LYPD6B: variants seen among roughly 807,000 people sequenced by gnomAD.
LYPD6B encodes the protein LY6/PLAUR domain containing 6B.
Under a neutral mutation model 22.8 loss-of-function variants are expected in LYPD6B, and 17 were observed. The observed-to-expected ratio is 0.75, with a 90% CI of 0.51 to 1.12. The LOEUF is 1.12. LYPD6B is among the 50% of genes most tolerant of loss of function. LYPD6B has a pLI of 0.00. For synonymous variants in LYPD6B, 106 were observed against 91.6 expected (o/e 1.16, Z -0.90); for missense variants, 221 against 258.3 (o/e 0.86, Z 0.99).
rs1445308825 is a variant in LYPD6B at position 149,186,606 on chromosome 2, T to G, written c.78-18647T>G. Among the ~76,000 whole-genome samples the G allele has an allele frequency of 2.0e-5, 3 of 151,712 alleles. No homozygotes were observed. The South Asian group carries it at 6.2e-4, about 31-fold the overall frequency. On this transcript the variant is annotated intron_variant, in intron 3 of 6. Coordinates refer to ENST00000409642, the MANE Select transcript of LYPD6B (RefSeq NM_177964.5). ...TTACACTAAACAACAGTTTTTTGTTTGTTTGTTTGTTTGTTTAGAAAAAAG... is the reference window on the plus strand; with the variant it reads ...TTACACTAAACAACAGTTTTTTGTTGGTTTGTTTGTTTGTTTAGAAAAAAG...
intron 1 of LYPD6B, among the ~76,000 whole-genome samples, chr2:149,129,583 C>T (rs1005857022): frequency 5.3e-5 from 8 of 152,180 alleles, no homozygotes; most frequent in Non-Finnish European, 8.8e-5. Context: ...TTTAAGTCAA[C>T]GGAATGCAGC....
chr2:149,135,595 C>T (rs374768062), intron 2 of LYPD6B, among the ~76,000 whole-genome samples: 59 of 151,812 alleles, frequency 3.9e-4, no homozygotes, highest in African/African-American at 1.3e-3. Flanking sequence ...TGGCAGGCAC[C>T]GGTAATCCCA....
At chr2:149,055,311 G>A (rs1298486123) in intron 1 of LYPD6B, among the ~76,000 whole-genome samples, 2 of 152,192 alleles carry the variant, frequency 1.3e-5, no homozygotes, top group Non-Finnish European at 2.9e-5. Context: ...TGAGAGTTTT[G>A]AAATTGAGAA....
intron 3 of LYPD6B, among the ~76,000 whole-genome samples, chr2:149,176,948 C>T (rs1201265684): frequency 6.6e-6 from 1 of 152,198 alleles, no homozygotes; most frequent in Non-Finnish European, 1.5e-5. Flanking sequence ...ATCCCCATGT[C>T]CCTGGTCATC....
At chr2:149,204,350 ACCT>A (rs1373373927) in intron 3 of LYPD6B, among the ~76,000 whole-genome samples, 1 of 152,002 alleles carries the variant, frequency 6.6e-6, no homozygotes, top group Admixed American at 6.6e-5. Flanking sequence ...TGCTGCCCAC[ACCT>A]CCTCCTTGTC....
chr2:149,109,934 C>T (rs1290200299), intron 1 of LYPD6B, among the ~76,000 whole-genome samples: 1 of 152,126 alleles, frequency 6.6e-6, no homozygotes, highest in African/African-American at 2.4e-5. Context: ...TGGTCTCGAA[C>T]TCCTGACCTC....
intron 3 of LYPD6B, among the ~76,000 whole-genome samples, chr2:149,201,144 C>G (rs944875285): frequency 1.3e-5 from 2 of 152,178 alleles, no homozygotes; most frequent in Non-Finnish European, 2.9e-5. Flanking sequence ...TCTGAAACAG[C>G]AAGAAGTCGC....
intron 1 of LYPD6B, among the ~76,000 whole-genome samples, chr2:149,122,975 T>A (rs1159462375): frequency 6.6e-6 from 1 of 152,198 alleles, no homozygotes; most frequent in Non-Finnish European, 1.5e-5. Context: ...CCACTTTCAA[T>A]GTGGAGTGTT....
intron 4 of LYPD6B, among the ~76,000 whole-genome samples, chr2:149,206,376 G>C (rs2106149991): frequency 6.6e-6 from 1 of 152,116 alleles, no homozygotes; most frequent in Admixed American, 6.5e-5. Flanking sequence ...TCATCTCTGT[G>C]TGTGTGTGCA....
intron 1 of LYPD6B, among the ~76,000 whole-genome samples, chr2:149,076,040 G>A (rs1300128204): frequency 3.3e-5 from 5 of 152,170 alleles, no homozygotes; most frequent in Non-Finnish European, 7.3e-5. Context: ...GCGGGAGAAT[G>A]GGTTTTGAGT....
intron 3 of LYPD6B, among the ~76,000 whole-genome samples, chr2:149,179,282 C>T (rs1182276315): frequency 1.3e-5 from 2 of 152,220 alleles, no homozygotes; most frequent in African/African-American, 4.8e-5. Flanking sequence ...AGATAATTTT[C>T]AGAGACGGCA....
At chr2:149,183,627 T>C (rs1691894324) in intron 3 of LYPD6B, among the ~76,000 whole-genome samples, 1 of 152,190 alleles carries the variant, frequency 6.6e-6, no homozygotes, top group Admixed American at 6.5e-5. Flanking sequence ...GTAGAGTTAG[T>C]AATGCTTCAT....
chr2:149,158,175 C>G (rs1689824796), intron 2 of LYPD6B, among the ~76,000 whole-genome samples: 1 of 152,132 alleles, frequency 6.6e-6, no homozygotes, highest in African/African-American at 2.4e-5. Flanking sequence ...TGGAGTAACT[C>G]TTCTACCTCT....
intron 1 of LYPD6B, among the ~76,000 whole-genome samples, chr2:149,120,384 T>TATATA (rs55814140): frequency 6.4e-3 from 217 of 33,774 alleles, no homozygotes; most frequent in South Asian, 0.012. Context: ...TATATATATA[T>TATATA]TTTTTTTTTT....
At chr2:149,210,648 C>T (rs1309964568) in intron 5 of LYPD6B, among the ~76,000 whole-genome samples, 2 of 152,178 alleles carry the variant, frequency 1.3e-5, no homozygotes, top group African/African-American at 4.8e-5. Flanking sequence ...TTCTGTGTAA[C>T]AGGATATGAC....
intron 5 of LYPD6B, among the ~76,000 whole-genome samples, chr2:149,212,205 G>A (rs1404108337): frequency 4.0e-5 from 6 of 150,628 alleles, no homozygotes; most frequent in Non-Finnish European, 3.0e-5. Flanking sequence ...GTCAAACCCC[G>A]TCTCTACTAA....
At chr2:149,122,895 T>C (rs942905137) in intron 1 of LYPD6B, among the ~76,000 whole-genome samples, 8 of 152,216 alleles carry the variant, frequency 5.3e-5, no homozygotes, top group Non-Finnish European at 1.0e-4. Flanking sequence ...ACCTTATAAC[T>C]GAGTACTGTG....
At chr2:149,120,349 ATG>A (rs1191177878) in intron 1 of LYPD6B, among the ~76,000 whole-genome samples, 127 of 99,700 alleles carry the variant, frequency 1.3e-3, no homozygotes, top group African/African-American at 6.4e-3. Flanking sequence ...GTATATATAT[ATG>A]TGTGTGTGTG....
chr2:149,091,637 A>G (rs1216289429), intron 1 of LYPD6B, among the ~76,000 whole-genome samples: 1 of 151,430 alleles, frequency 6.6e-6, no homozygotes. Context: ...TTTTTTTTTA[A>G]GTAGGTACAA....
Sources: gnomAD v4.1 joint callset for allele counts (sites outside exome capture counted in the v4.1 genomes callset) on GRCh38, gnomAD v4.1.1 for gene constraint, MANE v1.5 for transcripts, NCBI Gene and HGNC (gene_info 2026-07-23, HGNC 2026-07-21) for gene names.